NAV2: variants seen among roughly 807,000 people sequenced by gnomAD.
The protein encoded by NAV2 is helicase, APC down-regulated 1.
In NAV2, 54 loss-of-function variants were observed where a neutral mutation model predicts 223.2. The observed-to-expected ratio is 0.24, with a 90% confidence interval of 0.19 to 0.30. The LOEUF (loss-of-function observed/expected upper bound fraction) is 0.30. Ranked by LOEUF, NAV2 falls within the 10% of genes least tolerant of loss-of-function variation. The probability of loss-of-function intolerance (pLI) is 1.00; values close to 1 mark genes in which losing one functional copy is unlikely to be tolerated. For missense variants in NAV2, 2,806 were observed against 3,147.5 expected, an observed-to-expected ratio of 0.89 and a Z score of 2.60; for synonymous variants, 1,279 against 1,239.3, an observed-to-expected ratio of 1.03 and a Z score of -0.67.
At chr11:19,976,028 A>G (rs1180798639) in intron 10 of NAV2, among the ~76,000 whole-genome samples, 1 of 152,230 alleles carries the variant, frequency 6.6e-6, no homozygotes, top group Admixed American at 6.5e-5. Flanking sequence ...CTATTGAAAT[A>G]TTGCATATAC....
intron 1 of NAV2, among the ~76,000 whole-genome samples, chr11:19,484,364 T>G (rs2729887): frequency 0.91 from 138,437 of 152,244 alleles, 64,407 homozygotes; most frequent in East Asian, 1. Flanking sequence ...CAAGGGAGCT[T>G]GTTCCACTAT....
chr11:19,719,150 G>A (rs1358424949), intron 1 of NAV2, among the ~76,000 whole-genome samples: 2 of 152,150 alleles, frequency 1.3e-5, no homozygotes, highest in Admixed American at 6.5e-5. Context: ...ACCACCCAGC[G>A]AGATTTTGGC....
At chr11:19,878,626 T>A (rs58613362) in intron 4 of NAV2, among the ~76,000 whole-genome samples, 5,975 of 152,260 alleles carry the variant, frequency 0.039, 238 homozygotes, top group Middle Eastern at 0.11. Flanking sequence ...TAGAAGTTCG[T>A]ATTGTCAGTT....
At chr11:19,560,917 C>T (rs1565050953) in intron 1 of NAV2, among the ~76,000 whole-genome samples, 1 of 152,228 alleles carries the variant, frequency 6.6e-6, no homozygotes, top group Non-Finnish European at 1.5e-5. Flanking sequence ...CAAAATTGAA[C>T]AGGCTTCTTT....
At chr11:19,931,625 G>A (rs921707255) in intron 6 of NAV2, 10 of 130,642 alleles carry the variant, frequency 7.7e-5, no homozygotes, top group Non-Finnish European at 1.2e-4. Context: ...AGAAGCAGCC[G>A]TTAATCCCGC....
intron 11 of NAV2, among the ~76,000 whole-genome samples, chr11:20,004,623 C>T (rs1316843200): frequency 6.6e-6 from 1 of 152,120 alleles, no homozygotes; most frequent in Non-Finnish European, 1.5e-5. Context: ...ACATAAATTC[C>T]CTCTCCCTCC....
chr11:20,018,514 G>A (rs529930656), intron 11 of NAV2, among the ~76,000 whole-genome samples: 20 of 152,068 alleles, frequency 1.3e-4, no homozygotes, highest in Non-Finnish European at 2.6e-4. Flanking sequence ...ATGGAGAGAC[G>A]GGCCCCTAAG....
At chr11:19,860,375 C>A (rs2061684000) in intron 3 of NAV2, among the ~76,000 whole-genome samples, 1 of 148,750 alleles carries the variant, frequency 6.7e-6, no homozygotes, top group Admixed American at 6.6e-5. Context: ...GGCAGAGACG[C>A]TCCTCACATC....
intron 4 of NAV2, among the ~76,000 whole-genome samples, chr11:19,878,199 T>C (rs553435641): frequency 2.1e-4 from 32 of 152,318 alleles, no homozygotes; most frequent in Non-Finnish European, 3.4e-4. Flanking sequence ...CTCCCTGGCT[T>C]TCATTCTCAG....
At chr11:20,039,041 G>A (rs1329324666) in intron 12 of NAV2, among the ~76,000 whole-genome samples, 1 of 152,160 alleles carries the variant, frequency 6.6e-6, no homozygotes, top group Non-Finnish European at 1.5e-5. Flanking sequence ...TCCAGCATCA[G>A]CTCCTGTGCC....
chr11:20,057,462 C>T (rs2058436719), intron 19 of NAV2, among the ~76,000 whole-genome samples: 1 of 152,060 alleles, frequency 6.6e-6, no homozygotes. Context: ...GGGGAGAAGC[C>T]TGAGTCACTG....
chr11:19,716,139 A>G (rs909460669), intron 1 of NAV2, among the ~76,000 whole-genome samples: 2 of 152,136 alleles, frequency 1.3e-5, no homozygotes, highest in African/African-American at 2.4e-5. Flanking sequence ...CAAATTTGGT[A>G]TATATTATTA....
intron 1 of NAV2, among the ~76,000 whole-genome samples, chr11:19,702,537 G>A (rs948041999): frequency 6.6e-6 from 1 of 152,126 alleles, no homozygotes; most frequent in African/African-American, 2.4e-5. Flanking sequence ...ACAGTACTTT[G>A]GGAGGCCAAG....
Position 19,954,812 on chromosome 11 carries a change from T to C in NAV2, c.2645+5732T>C, listed in dbSNP as rs191010455. ...CTGTATTAGCACTGGTAGCACTACA[T>C]CAGAATTGGTTTATTAGTGTTTGTA... On this transcript the variant is annotated intron_variant, in intron 10 of 37. Transcript: ENST00000349880. Among the ~76,000 whole-genome samples the C allele has an allele frequency of 2.3e-3, 349 of 152,168 alleles. 1 individual carries two copies. The highest frequency in any genetic ancestry group is 3.4e-3 in the Non-Finnish European group (231 of 68,018).
intron 2 of NAV2, among the ~76,000 whole-genome samples, chr11:19,836,933 T>C (rs2060270091): frequency 6.6e-6 from 1 of 152,168 alleles, no homozygotes. Context: ...TGGGCCTGTT[T>C]TATAAGGAAA....
At chr11:19,964,770 G>A (rs1445136384) in intron 10 of NAV2, among the ~76,000 whole-genome samples, 2 of 145,852 alleles carry the variant, frequency 1.4e-5, no homozygotes, top group East Asian at 4.0e-4. Context: ...CAAAACGTTG[G>A]GATTACAGGC....
intron 11 of NAV2, among the ~76,000 whole-genome samples, chr11:20,031,908 A>G (rs1047599069): frequency 4.6e-4 from 70 of 152,232 alleles, no homozygotes; most frequent in African/African-American, 1.6e-3. Context: ...AAGGCAGGAG[A>G]TTCCACATTC....
intron 1 of NAV2, among the ~76,000 whole-genome samples, chr11:19,603,288 T>G (rs1420717085): frequency 3.3e-5 from 5 of 151,984 alleles, no homozygotes. Flanking sequence ...TATTCACAGT[T>G]ATAAACACCC....
chr11:19,512,519 C>T (rs2043311169), intron 1 of NAV2, among the ~76,000 whole-genome samples: 1 of 152,178 alleles, frequency 6.6e-6, no homozygotes, highest in Non-Finnish European at 1.5e-5. Flanking sequence ...GGAAGGGTCC[C>T]ATCCCCTGCT....
Sources: allele counts gnomAD v4.1 joint callset (sites outside exome capture counted in the v4.1 genomes callset), GRCh38; gene constraint gnomAD v4.1.1; transcripts MANE v1.5; gene names NCBI Gene and HGNC (gene_info 2026-07-23, HGNC 2026-07-21).